Variants in IMPG1 observed in about 807,000 individuals in gnomAD.
The protein encoded by IMPG1 is interphotoreceptor matrix proteoglycan 1, also known as interphotoreceptor matrix proteoglycan of 150 kDa.
IMPG1 carries 85 observed loss-of-function variants against 92.0 expected under a neutral mutation model. The observed-to-expected ratio is 0.92, with a 90% CI of 0.78 to 1.11. IMPG1 has a LOEUF of 1.11. IMPG1 is among the 50% of genes least tolerant of loss of function. IMPG1 has a pLI of 0.00. For missense variants in IMPG1, 1,022 were observed against 956.0 expected (o/e 1.07, Z -0.91); for synonymous variants, 367 against 334.1 (o/e 1.10, Z -1.08).
At chr6:76,042,258 T>G (rs1783857944) in intron 1 of IMPG1, 132 bp from the exon 2 acceptor site, 1 of 625,338 alleles carries the variant, frequency 1.6e-6, no homozygotes, top group Admixed American at 2.8e-5. Flanking sequence ...GTGGTGCAAC[T>G]GCTAAACGTA....
rs140827081 is a variant in IMPG1, at chr6:76,021,778, CATAT to C, written c.666+334_666+337del. On this transcript the variant is annotated intron_variant, in intron 6 of 16. Coordinates refer to ENST00000369950, the MANE Select transcript of IMPG1 (RefSeq NM_001563.4). ...TTCATTCATTCTAACACTTGGAGAG[CATAT>C]ATATATATATATATATATATGGTTT... Among the ~76,000 whole-genome samples the C allele has an allele frequency of 9.3e-4, 46 of 49,488 alleles. 2 individuals carry two copies. In the South Asian group the frequency reaches 0.041, roughly 44 times the overall value. The allele number at this position is 49,488 out of a possible 152,430, so 32.5% of individuals were successfully genotyped here.
chr6:75,992,714 G>A (rs577316445), intron 12 of IMPG1, among the ~76,000 whole-genome samples: 5 of 152,216 alleles, frequency 3.3e-5, no homozygotes, highest in African/African-American at 1.2e-4. Context: ...TTAAGGCCCT[G>A]CTTGATATAT....
intron 1 of IMPG1, among the ~76,000 whole-genome samples, chr6:76,068,508 T>C (rs1784349270): frequency 7.9e-6 from 1 of 126,594 alleles, no homozygotes; most frequent in Non-Finnish European, 1.7e-5. Context: ...AAAATGTCCA[T>C]ACTTTTTTTT....
chr6:75,978,919 G>T (rs1364212903), intron 12 of IMPG1, among the ~76,000 whole-genome samples: 2 of 151,838 alleles, frequency 1.3e-5, no homozygotes, highest in Non-Finnish European at 2.9e-5. Context: ...ACACTTTTTT[G>T]GGGGGTGGGG....
chr6:75,946,947 A>T (rs184131848), intron 14 of IMPG1, among the ~76,000 whole-genome samples: 3 of 152,184 alleles, frequency 2.0e-5, no homozygotes, highest in African/African-American at 7.2e-5. Flanking sequence ...AGGTTGTTGC[A>T]GAGCACTGAG....
chr6:75,921,970 C>T lies in IMPG1; in HGVS notation c.*119G>A, dbSNP rs1365983192. On this transcript the variant is annotated 3_prime_UTR_variant, in exon 17 of 17. Coordinates refer to ENST00000369950, the MANE Select transcript of IMPG1 (RefSeq NM_001563.4). The stretch of plus-strand genomic sequence containing the variant: ...TTGAAATATGGTGTGTGCTGATTCT[C>T]AGTGTTGACTGTATGTCTGGATTTT... 2.2e-5 allele frequency: 14 copies of T among 631,960 alleles called. No homozygotes were observed. The highest frequency in any genetic ancestry group is 3.7e-5 in the African/African-American group (2 of 54,020). The allele number at this position is 631,960 out of a possible 1,614,324, so 39.1% of individuals were successfully genotyped here.
At chr6:76,071,509 C>T (rs1186259455) in intron 1 of IMPG1, among the ~76,000 whole-genome samples, 2 of 151,630 alleles carry the variant, frequency 1.3e-5, no homozygotes, top group African/African-American at 4.8e-5. Context: ...TTTTTTCTCC[C>T]TCCAAATGCA....
intron 1 of IMPG1, among the ~76,000 whole-genome samples, chr6:76,060,817 C>A (rs1784192735): frequency 6.6e-6 from 1 of 152,074 alleles, no homozygotes; most frequent in Admixed American, 6.6e-5. Context: ...CTCACTTACC[C>A]CTGAGTGTGA....
At chr6:75,963,706 A>G (rs1782248507) in intron 12 of IMPG1, among the ~76,000 whole-genome samples, 1 of 152,204 alleles carries the variant, frequency 6.6e-6, no homozygotes, top group African/African-American at 2.4e-5. Context: ...GGCATTTTTA[A>G]CTTACCCTGT....
At chr6:76,036,944 A>T (rs142548021) in intron 2 of IMPG1, among the ~76,000 whole-genome samples, 1 of 152,206 alleles carries the variant, frequency 6.6e-6, no homozygotes, top group Admixed American at 6.5e-5. Context: ...CGAGGGGATT[A>T]TATAGCTAAA....
intron 1 of IMPG1, among the ~76,000 whole-genome samples, chr6:76,068,238 A>AGTCGAATTAT (rs1784344588): frequency 1.3e-5 from 2 of 152,180 alleles, no homozygotes; most frequent in African/African-American, 4.8e-5. Context: ...GAAAAGAAGG[A>AGTCGAATTAT]GTCGAATTAT....
intron 12 of IMPG1, among the ~76,000 whole-genome samples, chr6:75,974,399 T>TC (rs60443190): frequency 8.1e-6 from 1 of 123,206 alleles, no homozygotes; most frequent in Non-Finnish European, 1.8e-5. Flanking sequence ...TTCTTTTCTT[T>TC]CTTTCCTTCC....
chr6:75,981,546 A>G (rs1217081378), intron 12 of IMPG1, among the ~76,000 whole-genome samples: 1 of 152,254 alleles, frequency 6.6e-6, no homozygotes, highest in African/African-American at 2.4e-5. Context: ...GCTAGTCAAC[A>G]TCTTTCTTTG....
At chr6:76,050,448 A>T (rs575566055) in intron 1 of IMPG1, among the ~76,000 whole-genome samples, 1 of 152,250 alleles carries the variant, frequency 6.6e-6, no homozygotes, top group South Asian at 2.1e-4. Flanking sequence ...TTCAAAAAAA[A>T]AATTAGGTTT....
At chr6:76,014,853 C>T (rs1470753463) in intron 7 of IMPG1, among the ~76,000 whole-genome samples, 3 of 152,128 alleles carry the variant, frequency 2.0e-5, no homozygotes, top group Non-Finnish European at 2.9e-5. Flanking sequence ...TATGTCCATG[C>T]CCTCTTTGTG....
intron 1 of IMPG1, among the ~76,000 whole-genome samples, chr6:76,058,019 T>A (rs1390290405): frequency 6.6e-6 from 1 of 152,124 alleles, no homozygotes; most frequent in African/African-American, 2.4e-5. Flanking sequence ...GGGTTGTGGT[T>A]TTTTTCATTG....
chr6:76,025,981 A>G (rs1437010607), intron 4 of IMPG1, among the ~76,000 whole-genome samples: 1 of 152,154 alleles, frequency 6.6e-6, no homozygotes, highest in African/African-American at 2.4e-5. Context: ...AAAAACTCCA[A>G]CTGGCCTGCC....
chr6:76,065,813 T>A (rs1784299777), intron 1 of IMPG1, among the ~76,000 whole-genome samples: 1 of 152,046 alleles, frequency 6.6e-6, no homozygotes, highest in South Asian at 2.1e-4. Flanking sequence ...AAAAAAATCC[T>A]AAAATCAGCA....
At chr6:75,961,733 A>T (rs1782215026) in intron 12 of IMPG1, among the ~76,000 whole-genome samples, 1 of 152,250 alleles carries the variant, frequency 6.6e-6, no homozygotes, top group Admixed American at 6.5e-5. Context: ...TGAGAAGGCC[A>T]AAAGAAGAAG....
Sources: allele counts gnomAD v4.1 joint callset (sites outside exome capture counted in the v4.1 genomes callset), GRCh38; gene constraint gnomAD v4.1.1; transcripts MANE v1.5; gene names NCBI Gene and HGNC (gene_info 2026-07-23, HGNC 2026-07-21).